Variants in TRIO observed in about 807,000 individuals in gnomAD.
The protein encoded by TRIO is trio Rho guanine nucleotide exchange factor.
A neutral mutation model predicts 351.9 loss-of-function variants in TRIO; 58 were observed. The observed-to-expected ratio is 0.16, with a 90% CI of 0.13 to 0.21. TRIO has a LOEUF of 0.21. Ranked by LOEUF, TRIO falls within the 10% of genes least tolerant of loss-of-function variation. The pLI, the probability that TRIO is intolerant of heterozygous loss-of-function variation, is 1.00. For synonymous variants in TRIO, 1,758 were observed against 1,595.7 expected (o/e 1.10, Z -2.42); for missense variants, 3,201 against 4,027.8 (o/e 0.79, Z 5.56).
intron 8 of TRIO, among the ~76,000 whole-genome samples, chr5:14,307,741 T>C (rs201633843): frequency 1.3e-5 from 2 of 152,232 alleles, no homozygotes; most frequent in African/African-American, 4.8e-5. Context: ...ATCAGACTTC[T>C]CACAGCCATA....
intron 34 of TRIO, among the ~76,000 whole-genome samples, chr5:14,433,318 T>G (rs1751327766): frequency 1.3e-5 from 2 of 152,206 alleles, no homozygotes; most frequent in African/African-American, 4.8e-5. Flanking sequence ...CAGCAGGAAC[T>G]CCTGTGCTGA....
intron 20 of TRIO, 120 bp downstream of exon 20, chr5:14,378,247 A>G (rs955694176): frequency 1.5e-6 from 1 of 671,750 alleles, no homozygotes. Flanking sequence ...GACAAACAGT[A>G]TAGCCTTCTA....
At chr5:14,248,934 C>G (rs1794592502) in intron 1 of TRIO, among the ~76,000 whole-genome samples, 1 of 152,202 alleles carries the variant, frequency 6.6e-6, no homozygotes, top group Non-Finnish European at 1.5e-5. Flanking sequence ...CGGTGGTGAT[C>G]TCTCTCACCA....
chr5:14,324,882 C>T (rs763458353), intron 9 of TRIO, among the ~76,000 whole-genome samples: 1 of 152,190 alleles, frequency 6.6e-6, no homozygotes, highest in Non-Finnish European at 1.5e-5. Context: ...TGTTCAAGGA[C>T]TTGCACTTAT....
chr5:14,229,249 A>C (rs1793248265), intron 1 of TRIO, among the ~76,000 whole-genome samples: 1 of 152,164 alleles, frequency 6.6e-6, no homozygotes, highest in Admixed American at 6.5e-5. Context: ...TAGCCGGATA[A>C]ATACTTTAGT....
intron 29 of TRIO, among the ~76,000 whole-genome samples, chr5:14,398,634 A>C (rs758297325): frequency 3.3e-5 from 5 of 152,184 alleles, no homozygotes; most frequent in Non-Finnish European, 7.4e-5. Context: ...GAACTCAAAG[A>C]ATAAAGCCAT....
chr5:14,435,365 C>A (rs570671884), intron 34 of TRIO, among the ~76,000 whole-genome samples: 3 of 152,208 alleles, frequency 2.0e-5, no homozygotes, highest in African/African-American at 7.2e-5. Context: ...CCACAATGTG[C>A]AGGCTGGTTG....
chr5:14,405,524 G>A (rs1038129120), intron 31 of TRIO, among the ~76,000 whole-genome samples: 4 of 152,216 alleles, frequency 2.6e-5, no homozygotes, highest in African/African-American at 7.2e-5. Context: ...CCTCAGAGGC[G>A]TTTTGGTGGC....
At chr5:14,278,447 A>T (rs757197624) in intron 2 of TRIO, among the ~76,000 whole-genome samples, 31 of 152,200 alleles carry the variant, frequency 2.0e-4, no homozygotes, top group Non-Finnish European at 3.5e-4. Context: ...CATTTCAAAC[A>T]CATTTTAAAA....
chr5:14,143,910 A>C (rs1202485380), intron 1 of TRIO, 28 bp downstream of exon 1: 4 of 1,061,292 alleles, frequency 3.8e-6, no homozygotes, highest in Non-Finnish European at 4.5e-6. Context: ...CGGCCCGCCC[A>C]GCGGCGCTGC....
chr5:14,397,861 T>C (rs1747742477), intron 29 of TRIO, among the ~76,000 whole-genome samples: 1 of 152,164 alleles, frequency 6.6e-6, no homozygotes, highest in South Asian at 2.1e-4. Flanking sequence ...TGATCTGGTA[T>C]GGCCGCCCTT....
At chr5:14,346,439 A>G (rs1261143211) in intron 11 of TRIO, among the ~76,000 whole-genome samples, 3 of 152,234 alleles carry the variant, frequency 2.0e-5, no homozygotes, top group Non-Finnish European at 4.4e-5. Flanking sequence ...GGGTACCAAA[A>G]GAACTTGATA....
rs768166826 is a variant in TRIO at position 14,280,337 on chromosome 5, G to A, written c.248G>A (p.Arg83His). 10 of 1,614,066 alleles carry A rather than the reference G, an allele frequency of 6.2e-6. No individual in the cohort carries two copies. The highest frequency in any genetic ancestry group is 2.2e-5 in the South Asian group (2 of 91,082). Reference protein sequence around the residue: ...VAYLSGGRDKRGGPILTFPAR... With the variant: ...VAYLSGGRDKHGGPILTFPAR... The stretch of plus-strand genomic sequence containing the variant: ...TGTTTTTTAGGTGGGAGAGATAAAC[G>A]TGGAGGTCCCATTTTAACGTTTCCG... The change falls in exon 3 of 57, where the codon CGT (arginine) becomes CAT (histidine). Residue 83 changes from arginine (R) to histidine (H), a missense_variant. By Grantham distance (29) the Arg-to-His change is conservative (BLOSUM62 0). Transcript: ENST00000344204.
At chr5:14,264,503 G>A (rs1342215415) in intron 1 of TRIO, among the ~76,000 whole-genome samples, 1 of 151,582 alleles carries the variant, frequency 6.6e-6, no homozygotes, top group African/African-American at 2.4e-5. Flanking sequence ...TTTTATAAGT[G>A]TGGATTTTGA....
At chr5:14,413,548 C>T (rs1749375474) in intron 33 of TRIO, among the ~76,000 whole-genome samples, 1 of 152,180 alleles carries the variant, frequency 6.6e-6, no homozygotes, top group Admixed American at 6.5e-5. Context: ...CCTTCTTTTA[C>T]TCATCTTTGT....
intron 34 of TRIO, among the ~76,000 whole-genome samples, chr5:14,447,616 T>C (rs946667865): frequency 6.6e-6 from 1 of 152,236 alleles, no homozygotes. Flanking sequence ...TTAAAAAATC[T>C]GCGTATAGCC....
intron 1 of TRIO, among the ~76,000 whole-genome samples, chr5:14,179,664 A>G (rs1789631768): frequency 6.6e-6 from 1 of 151,452 alleles, no homozygotes; most frequent in African/African-American, 2.4e-5. Flanking sequence ...GCCCAGGCTG[A>G]TCTCGAACTC....
intron 13 of TRIO, among the ~76,000 whole-genome samples, chr5:14,363,243 G>A (rs974550127): frequency 1.3e-5 from 2 of 151,988 alleles, no homozygotes; most frequent in African/African-American, 2.4e-5. Context: ...CAAGTGATCC[G>A]CCCACCTTGG....
At chr5:14,380,691 C>T (rs1051904071) in intron 20 of TRIO, among the ~76,000 whole-genome samples, 1 of 152,074 alleles carries the variant, frequency 6.6e-6, no homozygotes, top group Non-Finnish European at 1.5e-5. Flanking sequence ...ACCAGAAATA[C>T]CATTTGACCT....
Sources: allele counts gnomAD v4.1 joint callset (sites outside exome capture counted in the v4.1 genomes callset), GRCh38; gene constraint gnomAD v4.1.1; transcripts MANE v1.5; gene names NCBI Gene and HGNC (gene_info 2026-07-23, HGNC 2026-07-21).